UMAD1: variants seen among roughly 807,000 people sequenced by gnomAD.
UMAD1 encodes UBAP1-MVB12-associated (UMA)-domain containing protein 1.
In UMAD1, 8 loss-of-function variants were observed where a neutral mutation model predicts 6.1. The ratio of observed to expected loss-of-function variants is 1.30; its 90% CI spans 0.76 to 2.35. The LOEUF (loss-of-function observed/expected upper bound fraction) is 2.35, where lower values mean the gene tolerates loss of function less well. UMAD1 is among the 30% of genes most tolerant of loss of function. The pLI is 0.00. For missense variants in UMAD1, 130 were observed against 78.4 expected (o/e 1.66, Z -2.49); for synonymous variants, 56 against 31.4 (o/e 1.78, Z -2.61).
chr7:7,721,493 A>G (rs1053213560), intron 2 of UMAD1, among the ~76,000 whole-genome samples: 1 of 152,236 alleles, frequency 6.6e-6, no homozygotes, highest in African/African-American at 2.4e-5. Flanking sequence ...TTTCCTTAAA[A>G]GGAAGCTCAT....
chr7:7,794,369 G>T (rs1243887706), intron 2 of UMAD1, among the ~76,000 whole-genome samples: 2 of 152,132 alleles, frequency 1.3e-5, no homozygotes, highest in Admixed American at 1.3e-4. Flanking sequence ...TAAAGCTGGT[G>T]TTGAAGAATG....
At chr7:7,876,355 C>T (rs931811658) in intron 3 of UMAD1, among the ~76,000 whole-genome samples, 5 of 152,072 alleles carry the variant, frequency 3.3e-5, no homozygotes, top group East Asian at 3.9e-4. Flanking sequence ...AGCCAGATGG[C>T]GAAGGAGCTA....
intron 2 of UMAD1, among the ~76,000 whole-genome samples, chr7:7,773,837 G>A (rs1782147915): frequency 1.3e-5 from 2 of 152,160 alleles, no homozygotes; most frequent in Admixed American, 1.3e-4. Flanking sequence ...AGGAGTTACA[G>A]CCCAAATGCT....
intron 3 of UMAD1, among the ~76,000 whole-genome samples, chr7:7,829,439 G>A (rs1213349122): frequency 6.6e-6 from 1 of 152,076 alleles, no homozygotes; most frequent in African/African-American, 2.4e-5. Context: ...CAATGTGGGA[G>A]GTAGATAATA....
At chr7:7,781,749 T>G (rs1782350085) in intron 2 of UMAD1, among the ~76,000 whole-genome samples, 2 of 152,130 alleles carry the variant, frequency 1.3e-5, no homozygotes, top group Non-Finnish European at 2.9e-5. Flanking sequence ...TTTAGCAAGC[T>G]CTTATTAATG....
intron 2 of UMAD1, among the ~76,000 whole-genome samples, chr7:7,742,922 A>C (rs951083805): frequency 6.6e-6 from 1 of 152,136 alleles, no homozygotes; most frequent in African/African-American, 2.4e-5. Flanking sequence ...TAAGGTAATA[A>C]TTTTCAGTGT....
intron 3 of UMAD1, among the ~76,000 whole-genome samples, chr7:7,824,699 A>G (rs922033818): frequency 1.3e-5 from 2 of 152,140 alleles, no homozygotes; most frequent in African/African-American, 2.4e-5. Flanking sequence ...ATCATTTTGA[A>G]TCTCTACTAT....
At chr7:7,747,950 A>G (rs144727136) in intron 2 of UMAD1, among the ~76,000 whole-genome samples, 88 of 152,184 alleles carry the variant, frequency 5.8e-4, no homozygotes, top group African/African-American at 2.1e-3. Flanking sequence ...AATAAAGTAT[A>G]TGTTTTATGA....
intron 2 of UMAD1, among the ~76,000 whole-genome samples, chr7:7,775,640 A>C (rs989264934): frequency 1.3e-5 from 2 of 152,214 alleles, no homozygotes; most frequent in Non-Finnish European, 2.9e-5. Context: ...TAAAATTACA[A>C]AGACTGACCA....
At chr7:7,753,722 G>A (rs1009951252) in intron 2 of UMAD1, among the ~76,000 whole-genome samples, 2 of 152,154 alleles carry the variant, frequency 1.3e-5, no homozygotes, top group Non-Finnish European at 2.9e-5. Context: ...TGTGAACAGC[G>A]CTGTAACAAA....
intron 3 of UMAD1, among the ~76,000 whole-genome samples, chr7:7,846,033 C>T (rs1020029492): frequency 6.6e-6 from 1 of 152,088 alleles, no homozygotes; most frequent in Admixed American, 6.6e-5. Flanking sequence ...GAGATTTACT[C>T]AATCATAGTA....
intron 2 of UMAD1, among the ~76,000 whole-genome samples, chr7:7,761,929 A>G (rs879165087): frequency 2.0e-5 from 3 of 151,702 alleles, no homozygotes; most frequent in African/African-American, 7.3e-5. Flanking sequence ...CTCAGTTTCC[A>G]TTCTTGTGCT....
In UMAD1 at chr7:7,709,902, C is replaced by G. The variant is rs1308171201; in HGVS notation, c.82+36449C>G. Among the ~76,000 whole-genome samples the G allele has an allele frequency of 3.3e-5, 5 of 152,172 alleles. No individual in the cohort carries two copies. In the East Asian group the frequency reaches 7.7e-4, roughly 23 times the overall value. ...ACCTTGAAGTTCTCTAAGTCTTCTC[C>G]TTACTCCCACCTCAGAGGTAAATTC... On this transcript the variant is annotated intron_variant, in intron 2 of 3. Coordinates refer to ENST00000682710, the MANE Select transcript of UMAD1 (RefSeq NM_001302348.2).
At chr7:7,764,802 C>T (rs1781954212) in intron 2 of UMAD1, among the ~76,000 whole-genome samples, 1 of 152,184 alleles carries the variant, frequency 6.6e-6, no homozygotes. Context: ...TGCCCTTTCT[C>T]TAAGCACCCT....
At chr7:7,657,445 C>T (rs759477491) in intron 1 of UMAD1, among the ~76,000 whole-genome samples, 54 of 152,128 alleles carry the variant, frequency 3.5e-4, no homozygotes, top group Admixed American at 5.9e-4. Flanking sequence ...TATGATTTTA[C>T]GTCTTACGTT....
At chr7:7,714,432 C>T (rs116493329) in intron 2 of UMAD1, among the ~76,000 whole-genome samples, 1 of 152,144 alleles carries the variant, frequency 6.6e-6, no homozygotes, top group Non-Finnish European at 1.5e-5. Flanking sequence ...AGAGGTTGTA[C>T]TTAAACATGA....
chr7:7,706,738 C>A (rs553037474), intron 2 of UMAD1, among the ~76,000 whole-genome samples: 1 of 152,112 alleles, frequency 6.6e-6, no homozygotes, highest in Non-Finnish European at 1.5e-5. Flanking sequence ...CGTAAGAGTG[C>A]GTGGTTAGTA....
rs547579029 is a variant in UMAD1, at chr7:7,865,868, G to A, written c.157-11413G>A. Among the ~76,000 whole-genome samples, 231 of 152,262 alleles carry A rather than the reference G, an allele frequency of 1.5e-3. 1 individual carries two copies. Among genetic ancestry groups the A allele is most frequent in the African/African-American group, 3.9e-3 (162 of 41,550 alleles). The stretch of plus-strand genomic sequence containing the variant: ...ATGAGGCTAGCTCAGTGAGAAGATG[G>A]GTCTGTAGGAAAAATCTTTCCCCAA... On this transcript the variant is annotated intron_variant, in intron 3 of 3. Coordinates refer to ENST00000682710, the MANE Select transcript of UMAD1 (RefSeq NM_001302348.2).
chr7:7,773,095 A>G (rs1782134324), intron 2 of UMAD1, among the ~76,000 whole-genome samples: 1 of 152,222 alleles, frequency 6.6e-6, no homozygotes, highest in Non-Finnish European at 1.5e-5. Context: ...TAAAAACTAC[A>G]GGTTTTAAAG....
Sources: allele counts gnomAD v4.1 joint callset (sites outside exome capture counted in the v4.1 genomes callset), GRCh38; gene constraint gnomAD v4.1.1; transcripts MANE v1.5; gene names NCBI Gene and HGNC (gene_info 2026-07-23, HGNC 2026-07-21).